The following BCAT1 variants were observed in gnomAD, a reference collection of about 807,000 sequenced individuals.
BCAT1 encodes the protein branched-chain-amino-acid aminotransferase, cytosolic.
Under a neutral mutation model 52.4 loss-of-function variants are expected in BCAT1, and 48 were observed. That is an observed-to-expected ratio of 0.92 (90% CI 0.73 to 1.16). The LOEUF (loss-of-function observed/expected upper bound fraction) is 1.16. BCAT1 is among the 50% of genes most tolerant of loss of function. The pLI is 0.00. For synonymous variants in BCAT1, 167 were observed against 161.3 expected (o/e 1.04, Z -0.27); for missense variants, 451 against 457.1 (o/e 0.99, Z 0.12).
intron 1 of BCAT1, among the ~76,000 whole-genome samples, chr12:24,917,620 G>GA (rs138877844): frequency 0.12 from 17,729 of 151,284 alleles, 1,632 homozygotes; most frequent in South Asian, 0.37. Context: ...AAGGCTTTTA[G>GA]AAAAAAAAAT....
intron 5 of BCAT1, among the ~76,000 whole-genome samples, chr12:24,871,042 A>AT (rs1046186398): frequency 3.8e-4 from 58 of 152,194 alleles, no homozygotes; most frequent in South Asian, 8.3e-4. Context: ...AAAAAAAAAG[A>AT]TTGTTATCAG....
chr12:24,926,162 C>T (rs1331548207), intron 1 of BCAT1, among the ~76,000 whole-genome samples: 23 of 151,714 alleles, frequency 1.5e-4, no homozygotes, highest in Non-Finnish European at 2.7e-4. Flanking sequence ...TCTGCCCGGC[C>T]GCCCATCGTC....
chr12:24,872,512 G>C (rs1046233762), intron 5 of BCAT1, among the ~76,000 whole-genome samples: 1 of 152,256 alleles, frequency 6.6e-6, no homozygotes, highest in Non-Finnish European at 1.5e-5. Context: ...TGCATCCAAT[G>C]CTGGTATTAA....
At chr12:24,933,109 C>CTTTTT (rs57512325) in intron 1 of BCAT1, among the ~76,000 whole-genome samples, 1 of 68,576 alleles carries the variant, frequency 1.5e-5, no homozygotes, top group African/African-American at 6.2e-5. Flanking sequence ...CACGCCTGGC[C>CTTTTT]TTTTTTTTTT....
chr12:24,909,365 AG>A (rs1442335701), intron 1 of BCAT1, among the ~76,000 whole-genome samples: 1 of 152,208 alleles, frequency 6.6e-6, no homozygotes, highest in Non-Finnish European at 1.5e-5. Flanking sequence ...TCTTGACAAA[AG>A]AATTCTCATT....
chr12:24,884,885 C>CA (rs1233697658), intron 3 of BCAT1, among the ~76,000 whole-genome samples: 1 of 152,112 alleles, frequency 6.6e-6, no homozygotes, highest in Non-Finnish European at 1.5e-5. Context: ...CTGATAAAAT[C>CA]AAACTAACTT....
chr12:24,938,611 A>G (rs1943803384), intron 1 of BCAT1, among the ~76,000 whole-genome samples: 1 of 152,050 alleles, frequency 6.6e-6, no homozygotes, highest in South Asian at 2.1e-4. Context: ...GTGGGCTGGA[A>G]GGGAACCCCA....
At chr12:24,901,679 G>T in intron 2 of BCAT1, 135 bp downstream of exon 2, 1 of 902,762 alleles carries the variant, frequency 1.1e-6, no homozygotes, top group Non-Finnish European at 1.7e-6. Flanking sequence ...TCTAAGAGTG[G>T]AATTTTAAAA....
chr12:24,917,047 A>AT (rs901201568), intron 1 of BCAT1, among the ~76,000 whole-genome samples: 1 of 152,036 alleles, frequency 6.6e-6, no homozygotes, highest in African/African-American at 2.4e-5. Context: ...AAAACAAAAC[A>AT]TAAAAAAAAT....
chr12:24,892,540 C>T (rs1942872102), intron 3 of BCAT1, among the ~76,000 whole-genome samples: 1 of 152,114 alleles, frequency 6.6e-6, no homozygotes, highest in Non-Finnish European at 1.5e-5. Context: ...TGGGCTTGGG[C>T]ATATTATTCC....
At chr12:24,926,435 G>A (rs923987089) in intron 1 of BCAT1, among the ~76,000 whole-genome samples, 14 of 152,128 alleles carry the variant, frequency 9.2e-5, no homozygotes, top group African/African-American at 2.7e-4. Context: ...CCCTCTGCCC[G>A]GCCGCCACCC....
At chr12:24,945,484 C>T (rs1265921471) in intron 1 of BCAT1, 3 of 152,116 alleles carry the variant, frequency 2.0e-5, no homozygotes, top group African/African-American at 7.2e-5. Flanking sequence ...GATAATGTTA[C>T]AATACAAAAG....
intron 2 of BCAT1, among the ~76,000 whole-genome samples, chr12:24,901,443 G>C (rs1467236022): frequency 6.6e-6 from 1 of 152,164 alleles, no homozygotes; most frequent in East Asian, 1.9e-4. Flanking sequence ...CACTTTCACT[G>C]TAGAGTGTTA....
chr12:24,913,188 G>A (rs1170983246), intron 1 of BCAT1, among the ~76,000 whole-genome samples: 1 of 152,114 alleles, frequency 6.6e-6, no homozygotes, highest in Admixed American at 6.5e-5. Flanking sequence ...CTGTCATTAT[G>A]TATTTACACA....
At chr12:24,907,680 C>T (rs1200918145) in intron 1 of BCAT1, among the ~76,000 whole-genome samples, 1 of 152,040 alleles carries the variant, frequency 6.6e-6, no homozygotes, top group Non-Finnish European at 1.5e-5. Flanking sequence ...TGAGAAGGTA[C>T]TTTGTAATAT....
chr12:24,885,963 A>C (rs2139617378), intron 3 of BCAT1, among the ~76,000 whole-genome samples: 1 of 152,358 alleles, frequency 6.6e-6, no homozygotes, highest in East Asian at 1.9e-4. Context: ...GTCTTTAAAG[A>C]CACAACAAAT....
At position 24,923,780 on chromosome 12, in the gene BCAT1, C is replaced by T. The variant is rs572765478; in HGVS notation, c.7-21895G>A. On this transcript the variant is annotated intron_variant, in intron 1 of 10. Coordinates refer to ENST00000261192, the MANE Select transcript of BCAT1 (RefSeq NM_005504.7). Reference sequence around the variant, plus strand: ...TATCAAGAAGATTGATTGCCTTGACCAAAGTAACACACCTGTCTGCAGAGG... The same window carrying T: ...TATCAAGAAGATTGATTGCCTTGACTAAAGTAACACACCTGTCTGCAGAGG... Among the ~76,000 whole-genome samples, 5 of 152,260 alleles carry T rather than the reference C, an allele frequency of 3.3e-5. No homozygotes were observed. The South Asian group carries it at 1.0e-3, about 32-fold the overall frequency.
Position 24,878,527 on chromosome 12 carries a change from C to A in BCAT1, c.510+3G>T. ...TACCCCAAAATAAAGAGTCAGTTTGCACCTCAGTTCCAATGAATGTAGGAC... is the reference window on the plus strand; with the variant it reads ...TACCCCAAAATAAAGAGTCAGTTTGAACCTCAGTTCCAATGAATGTAGGAC... On this transcript the variant is annotated splice_donor_region_variant and intron_variant, in intron 5 of 10. Transcript: ENST00000261192. 6.2e-7 allele frequency: 1 copy of A among 1,600,554 alleles called. No individual in the cohort carries two copies. Among genetic ancestry groups the A allele is most frequent in the South Asian group, 1.1e-5 (1 of 87,842 alleles).
chr12:24,897,747 T>C (rs1017962326), intron 2 of BCAT1, among the ~76,000 whole-genome samples: 1 of 152,106 alleles, frequency 6.6e-6, no homozygotes, highest in African/African-American at 2.4e-5. Flanking sequence ...AGAGATGGGG[T>C]TTCACCATGT....
Sources: gnomAD v4.1 joint callset for allele counts (sites outside exome capture counted in the v4.1 genomes callset) on GRCh38, gnomAD v4.1.1 for gene constraint, MANE v1.5 for transcripts, NCBI Gene and HGNC (gene_info 2026-07-23, HGNC 2026-07-21) for gene names.